The following RYR2 variants were observed in gnomAD, a reference collection of about 807,000 sequenced individuals.
The protein encoded by RYR2 is ryanodine receptor 2.
Under a neutral mutation model 601.1 loss-of-function variants are expected in RYR2, and 227 were observed. That is an observed-to-expected ratio of 0.38 (90% CI 0.34 to 0.42). The LOEUF (loss-of-function observed/expected upper bound fraction) is 0.42. Among genes scored for constraint, RYR2 ranks in the 10% least tolerant of loss-of-function variants. The probability of loss-of-function intolerance (pLI) is 1.00; values close to 1 mark genes in which losing one functional copy is unlikely to be tolerated. For missense variants in RYR2, 4,646 were observed against 6,156.5 expected, an observed-to-expected ratio of 0.75 and a Z score of 8.21; for synonymous variants, 2,223 against 2,175.1, an observed-to-expected ratio of 1.02 and a Z score of -0.61.
In RYR2 at chr1:237,634,938, G is replaced by A. The variant is rs368207198; in HGVS notation, c.6738G>A (p.Ser2246=). 1.3e-5 allele frequency: 21 copies of A among 1,609,216 alleles called. No individual in the cohort carries two copies. Among genetic ancestry groups the A allele is most frequent in the South Asian group, 4.5e-5 (4 of 89,594 alleles). ...CACCACTGGATGTGGCTGCAGCTTC[G>A]GTGATGGATAATAATGAACTAGCAT... ...GSTPLDVAAA[S]VMDNNELALA... The change falls in exon 44 of 105, where the codon TCG becomes TCA. Residue 2246 remains serine (S), a synonymous_variant. Coordinates refer to ENST00000366574, the MANE Select transcript of RYR2 (RefSeq NM_001035.3).
intron 22 of RYR2, among the ~76,000 whole-genome samples, 194 bp from the exon 23 acceptor site, chr1:237,506,516 C>T (rs1181376416): frequency 6.8e-6 from 1 of 146,930 alleles, no homozygotes; most frequent in African/African-American, 2.5e-5. Context: ...CCAGCCTGGG[C>T]GACAGAGTGA....
Position 237,074,687 on chromosome 1 carries a change from A to G in RYR2, c.48+32118A>G, listed in dbSNP as rs547697516. ...ATCAGGGATGACTTATGCAAACCCA[A>G]GATGGCCCTTTGGCTTAGTCCTTCT... On this transcript the variant is annotated intron_variant, in intron 1 of 104. Transcript: ENST00000366574. Among the ~76,000 whole-genome samples the G allele has an allele frequency of 2.6e-5, 4 of 152,326 alleles. No homozygotes were observed. In the South Asian group the frequency reaches 8.3e-4, roughly 32 times the overall value.
intron 1 of RYR2, among the ~76,000 whole-genome samples, chr1:237,140,612 G>A (rs1673286325): frequency 6.6e-6 from 1 of 152,218 alleles, no homozygotes; most frequent in South Asian, 2.1e-4. Context: ...ATTTCCAGAT[G>A]TGTAAATAGA....
rs540916677 is a variant in RYR2, at chr1:237,393,796, T to C, written c.773+5613T>C. The stretch of plus-strand genomic sequence containing the variant: ...ACCCCAAACTTAAACTCCTTGCTGA[T>C]TGCAGAGAGTGCAGTAGCTGCTGTA... On this transcript the variant is annotated intron_variant, in intron 10 of 104. Transcript: ENST00000366574. 2.0e-4 allele frequency among the ~76,000 whole-genome samples: 30 copies of C among 152,334 alleles called. No homozygotes were observed. In the South Asian group the frequency reaches 6.0e-3, roughly 31 times the overall value.
intron 10 of RYR2, among the ~76,000 whole-genome samples, chr1:237,405,729 A>G (rs1360515033): frequency 6.6e-6 from 1 of 151,916 alleles, no homozygotes; most frequent in African/African-American, 2.4e-5. Flanking sequence ...TTTTTTCTCT[A>G]TTAGACTTGT....
chr1:237,158,415 T>A (rs1675633528), intron 1 of RYR2, among the ~76,000 whole-genome samples: 2 of 152,190 alleles, frequency 1.3e-5, no homozygotes, highest in African/African-American at 4.8e-5. Flanking sequence ...TTAAAAAATA[T>A]CGTGTTCACT....
chr1:237,772,455 T>C (rs1231078182), intron 86 of RYR2, among the ~76,000 whole-genome samples: 2 of 152,202 alleles, frequency 1.3e-5, no homozygotes, highest in Non-Finnish European at 1.5e-5. Context: ...TTTGTAGGAA[T>C]AGGAAAGAAA....
rs554279346 is a variant in RYR2, at chr1:237,475,881, T to G, written c.1708+6694T>G. ...ATCACATATTTTCCCTGACTTCAAGTGTGTCTAGTGATTATGTCGCTGGGC... is the reference window on the plus strand; with the variant it reads ...ATCACATATTTTCCCTGACTTCAAGGGTGTCTAGTGATTATGTCGCTGGGC... On this transcript the variant is annotated intron_variant, in intron 17 of 104. Transcript: ENST00000366574. 2.0e-5 allele frequency among the ~76,000 whole-genome samples: 3 copies of G among 151,866 alleles called. No individual in the cohort carries two copies. The South Asian group carries it at 6.3e-4, about 32-fold the overall frequency.
At chr1:237,756,617 A>C (rs1692977294) in intron 81 of RYR2, among the ~76,000 whole-genome samples, 2 of 151,938 alleles carry the variant, frequency 1.3e-5, no homozygotes, top group African/African-American at 2.4e-5. Context: ...CTGTTCTTTA[A>C]GTTTTGGAAA....
chr1:237,061,276 C>CATCT lies in RYR2; in HGVS notation c.48+18753_48+18756dup, dbSNP rs55852744. ...ATCATCTATCTATCTATCCATCTAT[C>CATCT]ATCTATCTATCTATCTATCTATCTA... On this transcript the variant is annotated intron_variant, in intron 1 of 104. Transcript: ENST00000366574. Among the ~76,000 whole-genome samples the CATCT allele has an allele frequency of 7.9e-3, 785 of 98,798 alleles. 7 individuals carry two copies. The highest frequency in any genetic ancestry group is 0.02 in the African/African-American group (591 of 29,090). 64.8% of individuals were successfully genotyped at this position (98,798 alleles called of 152,430 possible).
At chr1:237,591,981 T>C (rs1675254957) in intron 32 of RYR2, 128 bp downstream of exon 32, 3 of 756,258 alleles carry the variant, frequency 4.0e-6, no homozygotes, top group South Asian at 4.5e-5. Flanking sequence ...TGTTTTTGGA[T>C]ATATTTTGGG....
chr1:237,675,102 T>C (rs1244716690), intron 60 of RYR2, among the ~76,000 whole-genome samples: 1 of 152,162 alleles, frequency 6.6e-6, no homozygotes, highest in Non-Finnish European at 1.5e-5. Context: ...TTTGTTTTCA[T>C]TTTGAAAGAT....
intron 1 of RYR2, among the ~76,000 whole-genome samples, chr1:237,099,993 G>A (rs972108550): frequency 5.9e-5 from 9 of 152,258 alleles, no homozygotes; most frequent in East Asian, 1.9e-4. Flanking sequence ...CAGTATCCTC[G>A]GTGCTGCCTC....
intron 98 of RYR2, among the ~76,000 whole-genome samples, 152 bp from the exon 99 acceptor site, chr1:237,805,985 T>C (rs147804369): frequency 7.7e-4 from 118 of 152,344 alleles, no homozygotes; most frequent in Admixed American, 1.4e-3. Context: ...TCCTACTTTT[T>C]ACTTCCATGA....
chr1:237,794,130 C>G, intron 95 of RYR2, 133 bp downstream of exon 95: 2 of 753,008 alleles, frequency 2.7e-6, no homozygotes, highest in Non-Finnish European at 2.1e-6. Context: ...CAAGAAAAAT[C>G]TAAAGACTCA....
intron 1 of RYR2, among the ~76,000 whole-genome samples, chr1:237,128,826 G>T (rs1010760963): frequency 2.6e-5 from 4 of 152,102 alleles, no homozygotes; most frequent in African/African-American, 9.7e-5. Context: ...AGCAGGAGAG[G>T]TGGAGAAAAG....
At chr1:237,558,997 C>CTTT (rs56718406) in intron 27 of RYR2, among the ~76,000 whole-genome samples, 1 of 141,094 alleles carries the variant, frequency 7.1e-6, no homozygotes, top group Non-Finnish European at 1.5e-5. Context: ...CATTTTTGTA[C>CTTT]TTTTTTTTTT....
At chr1:237,816,618 G>A (rs1661860148) in intron 100 of RYR2, among the ~76,000 whole-genome samples, 1 of 151,982 alleles carries the variant, frequency 6.6e-6, no homozygotes, top group South Asian at 2.1e-4. Context: ...GAACCCAGGA[G>A]GCGGAGGTTG....
chr1:237,452,492 A>G (rs1658310015), intron 14 of RYR2, among the ~76,000 whole-genome samples: 2 of 145,068 alleles, frequency 1.4e-5, no homozygotes, highest in Admixed American at 7.0e-5. Context: ...TATATACTAT[A>G]TATAATGTAT....
Sources: allele counts gnomAD v4.1 joint callset (sites outside exome capture counted in the v4.1 genomes callset), GRCh38; gene constraint gnomAD v4.1.1; transcripts MANE v1.5; gene names NCBI Gene and HGNC (gene_info 2026-07-23, HGNC 2026-07-21).